The following TRHDE variants were observed in gnomAD, a reference collection of about 807,000 sequenced individuals.
TRHDE encodes thyrotropin releasing hormone degrading enzyme, also known as thyrotropin-releasing hormone-degrading ectoenzyme.
TRHDE carries 72 observed loss-of-function variants against 125.7 expected under a neutral mutation model. The observed-to-expected ratio is 0.57, with a 90% CI of 0.47 to 0.70. TRHDE has a LOEUF of 0.70. Among genes scored for constraint, TRHDE ranks in the 30% least tolerant of loss-of-function variants. TRHDE has a pLI of 0.00. For synonymous variants in TRHDE, 509 were observed against 509.1 expected, an observed-to-expected ratio of 1.00 and a Z score of 0.00; for missense variants, 1,110 against 1,327.1, an observed-to-expected ratio of 0.84 and a Z score of 2.54.
At chr12:72,403,977 C>T (rs1052580780) in intron 3 of TRHDE, among the ~76,000 whole-genome samples, 8 of 152,256 alleles carry the variant, frequency 5.3e-5, no homozygotes, top group African/African-American at 1.7e-4. Context: ...CGAAGTTTGT[C>T]GTTTTTACAA....
chr12:72,378,390 A>G (rs146094426), intron 3 of TRHDE, among the ~76,000 whole-genome samples: 5 of 152,336 alleles, frequency 3.3e-5, no homozygotes, highest in African/African-American at 1.2e-4. Flanking sequence ...TTTGTTGAAT[A>G]TGTACTATGG....
chr12:72,152,192 CTGTT>C (rs1876384124), intron 2 of TRHDE, among the ~76,000 whole-genome samples: 1 of 150,258 alleles, frequency 6.7e-6, no homozygotes, highest in Non-Finnish European at 1.5e-5. Context: ...ATTTGGCTCT[CTGTT>C]TGTCTGTTAT....
intron 2 of TRHDE, among the ~76,000 whole-genome samples, chr12:72,193,012 A>G (rs1193129387): frequency 6.6e-6 from 1 of 152,152 alleles, no homozygotes; most frequent in Non-Finnish European, 1.5e-5. Context: ...TCTGAAAGAA[A>G]TTATGTTTAT....
chr12:72,395,514 C>G (rs548096798), intron 3 of TRHDE, among the ~76,000 whole-genome samples: 1 of 152,040 alleles, frequency 6.6e-6, no homozygotes, highest in Non-Finnish European at 1.5e-5. Context: ...CCCTCCTTCT[C>G]CCTAGAATTC....
chr12:72,186,510 CG>C (rs2139345370), intron 2 of TRHDE: 1 of 165,524 alleles, frequency 6.0e-6, no homozygotes, highest in South Asian at 1.9e-4. Flanking sequence ...AGACTCCAGA[CG>C]CGCCACCTTA....
chr12:72,175,937 TG>T (rs1876978753), intron 2 of TRHDE, among the ~76,000 whole-genome samples: 2 of 152,160 alleles, frequency 1.3e-5, no homozygotes, highest in Admixed American at 1.3e-4. Flanking sequence ...GCATATCAGT[TG>T]TTTTATAGGG....
chr12:72,520,462 C>T (rs559734735), intron 6 of TRHDE, among the ~76,000 whole-genome samples: 15 of 152,276 alleles, frequency 9.9e-5, no homozygotes, highest in South Asian at 2.1e-4. Flanking sequence ...TGACCCTTTG[C>T]GCTTCCTGAG....
At chr12:72,269,728 T>C (rs1565677665), upstream of TRHDE, among the ~76,000 whole-genome samples, 1 of 152,188 alleles carries the variant, frequency 6.6e-6, no homozygotes, top group Non-Finnish European at 1.5e-5. Flanking sequence ...CAAAAATGTA[T>C]TGTACTCAGG....
At chr12:72,333,895 T>C (rs1415669442) in intron 2 of TRHDE, among the ~76,000 whole-genome samples, 1 of 152,212 alleles carries the variant, frequency 6.6e-6, no homozygotes, top group Non-Finnish European at 1.5e-5. Flanking sequence ...ATAATTCAAA[T>C]TTAAGTGACA....
chr12:72,558,281 G>C (rs966472255), intron 7 of TRHDE, among the ~76,000 whole-genome samples: 1 of 152,114 alleles, frequency 6.6e-6, no homozygotes, highest in African/African-American at 2.4e-5. Context: ...AAGTGGATGG[G>C]GAATGATTCC....
intron 2 of TRHDE, among the ~76,000 whole-genome samples, chr12:72,125,246 G>T (rs1875686314): frequency 1.3e-5 from 2 of 152,068 alleles, no homozygotes; most frequent in Middle Eastern, 6.8e-3. Flanking sequence ...AGAGAGTTTT[G>T]TTTCTTTGAA....
chr12:72,653,435 A>G (rs1592598090), intron 17 of TRHDE, among the ~76,000 whole-genome samples: 1 of 152,138 alleles, frequency 6.6e-6, no homozygotes, highest in African/African-American at 2.4e-5. Context: ...CAGACTGTCC[A>G]AAGTTGAAGA....
chr12:72,359,928 A>G (rs1457307630), intron 2 of TRHDE, among the ~76,000 whole-genome samples: 1 of 151,772 alleles, frequency 6.6e-6, no homozygotes, highest in Non-Finnish European at 1.5e-5. Context: ...TGACTAGCCA[A>G]TAGGAGACTA....
chr12:72,561,630 A>T (rs1287323947), intron 7 of TRHDE, among the ~76,000 whole-genome samples: 5 of 152,182 alleles, frequency 3.3e-5, no homozygotes, highest in African/African-American at 1.2e-4. Flanking sequence ...GTGTGTTTCA[A>T]ATCCATGGAA....
chr12:72,364,428 C>A (rs562043093), intron 2 of TRHDE, among the ~76,000 whole-genome samples: 4 of 152,094 alleles, frequency 2.6e-5, no homozygotes, highest in African/African-American at 9.6e-5. Flanking sequence ...ATTTAACATC[C>A]TATAAATTGT....
chr12:72,298,731 G>A (rs1880397240), intron 2 of TRHDE, among the ~76,000 whole-genome samples: 1 of 152,124 alleles, frequency 6.6e-6, no homozygotes, highest in Non-Finnish European at 1.5e-5. Flanking sequence ...GAGGGCTTCA[G>A]GGTTATATAA....
At chr12:72,136,635 T>C (rs1157810800) in intron 2 of TRHDE, among the ~76,000 whole-genome samples, 1 of 152,246 alleles carries the variant, frequency 6.6e-6, no homozygotes, top group Non-Finnish European at 1.5e-5. Context: ...TGCAATTTAG[T>C]ACTTTGCTGA....
chr12:72,225,404 T>C (rs539198388), intron 2 of TRHDE, among the ~76,000 whole-genome samples: 2 of 152,268 alleles, frequency 1.3e-5, no homozygotes, highest in Admixed American at 6.5e-5. Context: ...CATCTGCTTC[T>C]CACACAGCAT....
At chr12:72,110,293 C>A (rs759941985) in intron 2 of TRHDE, among the ~76,000 whole-genome samples, 1 of 152,068 alleles carries the variant, frequency 6.6e-6, no homozygotes, top group Non-Finnish European at 1.5e-5. Flanking sequence ...GTGCTTTATC[C>A]TGTGGGCATT....
Sources: allele counts gnomAD v4.1 joint callset (sites outside exome capture counted in the v4.1 genomes callset), GRCh38; gene constraint gnomAD v4.1.1; transcripts MANE v1.5; gene names NCBI Gene and HGNC (gene_info 2026-07-23, HGNC 2026-07-21).